The following ARSB variants were observed in gnomAD, a reference collection of about 807,000 sequenced individuals.
The protein encoded by ARSB is arylsulfatase B, also known as N-acetylgalactosamine-4-sulfatase.
In ARSB, 41 loss-of-function variants were observed where a neutral mutation model predicts 50.9. That is an observed-to-expected ratio of 0.81 (90% CI 0.63 to 1.04). ARSB has a LOEUF of 1.04. ARSB is among the 50% of genes least tolerant of loss of function. The pLI is 0.00. For synonymous variants in ARSB, 269 were observed against 284.8 expected, an observed-to-expected ratio of 0.94 and a Z score of 0.56; for missense variants, 672 against 693.3, an observed-to-expected ratio of 0.97 and a Z score of 0.35.
chr5:78,888,944 A>G (rs1248365347), intron 4 of ARSB, among the ~76,000 whole-genome samples: 1 of 152,248 alleles, frequency 6.6e-6, no homozygotes, highest in African/African-American at 2.4e-5. Context: ...CAATGGACAC[A>G]TGTGCAACTT....
chr5:78,812,532 C>T (rs1743846498), intron 6 of ARSB, among the ~76,000 whole-genome samples: 1 of 151,012 alleles, frequency 6.6e-6, no homozygotes, highest in Admixed American at 6.6e-5. Flanking sequence ...ATTAAAATGA[C>T]CCCAAATATT....
At chr5:78,872,829 A>AG (rs1561474992) in intron 5 of ARSB, among the ~76,000 whole-genome samples, 1 of 148,704 alleles carries the variant, frequency 6.7e-6, no homozygotes. Flanking sequence ...AAAAAAAAAA[A>AG]AAAAGAAAGG....
At chr5:78,796,308 TAATAA>T (rs937314050) in intron 6 of ARSB, among the ~76,000 whole-genome samples, 2 of 152,238 alleles carry the variant, frequency 1.3e-5, no homozygotes, top group Non-Finnish European at 2.9e-5. Flanking sequence ...CAGCAGGTAA[TAATAA>T]AATAATTTTG....
intron 5 of ARSB, among the ~76,000 whole-genome samples, chr5:78,862,944 A>G (rs888243053): frequency 2.0e-5 from 3 of 152,256 alleles, no homozygotes; most frequent in Admixed American, 1.3e-4. Flanking sequence ...AGGTGGGCAA[A>G]GGATATGAAC....
intron 5 of ARSB, among the ~76,000 whole-genome samples, chr5:78,869,337 C>A: frequency 7.1e-6 from 1 of 140,430 alleles, no homozygotes. Context: ...CAGAACTCTC[C>A]ACCCCAAGTC....
rs184557811 is a variant in ARSB at position 78,984,028 on chromosome 5, T to A, written c.312+909A>T. 7.8e-4 allele frequency among the ~76,000 whole-genome samples: 119 copies of A among 152,224 alleles called. 1 individual carries two copies. Among genetic ancestry groups the A allele is most frequent in the Non-Finnish European group, 1.6e-4 (11 of 68,004 alleles). On this transcript the variant is annotated intron_variant, in intron 1 of 7. Coordinates refer to ENST00000264914, the MANE Select transcript of ARSB (RefSeq NM_000046.5). ...TAGAAATATGACAATCGTATTCAGA[T>A]TGAGGGGAAAAAAGGCCAATTTCAT...
chr5:78,843,908 T>G (rs1487143927), intron 5 of ARSB, among the ~76,000 whole-genome samples: 1 of 152,228 alleles, frequency 6.6e-6, no homozygotes, highest in Non-Finnish European at 1.5e-5. Flanking sequence ...TATGGCTAAA[T>G]AATATCCCAT....
rs760606288 is a variant in ARSB, at chr5:78,780,360, A to C, written c.*37T>G. The C allele has an allele frequency of 5.6e-6, 9 of 1,612,562 alleles. No homozygotes were observed. Among genetic ancestry groups the C allele is most frequent in the Non-Finnish European group, 7.6e-6 (9 of 1,179,964 alleles). On this transcript the variant is annotated 3_prime_UTR_variant, in exon 8 of 8. Coordinates refer to ENST00000264914, the MANE Select transcript of ARSB (RefSeq NM_000046.5). ...GTCGTGAGAAAAGGCCTGAGGTCCA[A>C]CTTCCAATTGAAAGGTTTTCTAGCC... is the stretch of plus-strand genomic sequence containing the variant.
intron 6 of ARSB, among the ~76,000 whole-genome samples, chr5:78,797,581 C>A (rs553924906): frequency 6.6e-6 from 1 of 152,200 alleles, no homozygotes; most frequent in Admixed American, 6.5e-5. Context: ...TCAACCTCTT[C>A]AGCTTGTCTC....
At chr5:78,816,510 C>T (rs1365976144) in intron 6 of ARSB, among the ~76,000 whole-genome samples, 2 of 152,178 alleles carry the variant, frequency 1.3e-5, no homozygotes, top group Non-Finnish European at 2.9e-5. Flanking sequence ...TGGTCTTCAC[C>T]CCCTGGTGTT....
intron 4 of ARSB, among the ~76,000 whole-genome samples, chr5:78,931,291 T>C (rs1432564387): frequency 1.3e-5 from 2 of 152,242 alleles, no homozygotes; most frequent in Non-Finnish European, 2.9e-5. Flanking sequence ...TCCTCATTTT[T>C]ACATTCTAGA....
At chr5:78,926,369 C>T (rs914563991) in intron 4 of ARSB, among the ~76,000 whole-genome samples, 4 of 152,150 alleles carry the variant, frequency 2.6e-5, no homozygotes, top group Non-Finnish European at 4.4e-5. Flanking sequence ...ATCGTGGTTC[C>T]TGTCCAAGTG....
intron 4 of ARSB, among the ~76,000 whole-genome samples, chr5:78,943,242 A>T (rs1751028442): frequency 6.6e-6 from 1 of 152,136 alleles, no homozygotes; most frequent in Non-Finnish European, 1.5e-5. Flanking sequence ...CCAATTTGCC[A>T]GTCTGTGTCT....
At chr5:78,816,534 T>C (rs766348371) in intron 6 of ARSB, among the ~76,000 whole-genome samples, 4 of 152,220 alleles carry the variant, frequency 2.6e-5, no homozygotes, top group Non-Finnish European at 5.9e-5. Flanking sequence ...CCTGAGATTA[T>C]GTTATGTTTG....
chr5:78,802,698 T>C (rs573815228), intron 6 of ARSB, among the ~76,000 whole-genome samples: 21 of 152,158 alleles, frequency 1.4e-4, no homozygotes, highest in Non-Finnish European at 3.1e-4. Flanking sequence ...TGAAGAGCAC[T>C]CAAGTTCTTG....
At chr5:78,940,992 T>C (rs1423717552) in intron 4 of ARSB, among the ~76,000 whole-genome samples, 1 of 151,842 alleles carries the variant, frequency 6.6e-6, no homozygotes, top group African/African-American at 2.4e-5. Flanking sequence ...CTTGAAGAGG[T>C]CCTTCACATC....
At chr5:78,946,724 A>G (rs1751251146) in intron 4 of ARSB, among the ~76,000 whole-genome samples, 1 of 152,226 alleles carries the variant, frequency 6.6e-6, no homozygotes, top group Non-Finnish European at 1.5e-5. Context: ...TACAGATTCA[A>G]TGCAATCCCT....
At chr5:78,892,911 G>A (rs1748380110) in intron 4 of ARSB, among the ~76,000 whole-genome samples, 5 of 152,180 alleles carry the variant, frequency 3.3e-5, no homozygotes, top group Admixed American at 3.3e-4. Context: ...AGCAAGAGGA[G>A]GGTTCTGGTG....
At chr5:78,874,046 T>A (rs1050648588) in intron 5 of ARSB, among the ~76,000 whole-genome samples, 1 of 152,130 alleles carries the variant, frequency 6.6e-6, no homozygotes, top group Non-Finnish European at 1.5e-5. Context: ...AACAGTAACA[T>A]AGAAAACAAG....
Sources: gnomAD v4.1 joint callset for allele counts (sites outside exome capture counted in the v4.1 genomes callset) on GRCh38, gnomAD v4.1.1 for gene constraint, MANE v1.5 for transcripts, NCBI Gene and HGNC (gene_info 2026-07-23, HGNC 2026-07-21) for gene names.